Variants in EYS observed in about 807,000 individuals in gnomAD.
EYS encodes the protein protein eyes shut homolog.
A neutral mutation model predicts 282.1 loss-of-function variants in EYS; 250 were observed. The ratio of observed to expected loss-of-function variants is 0.89; its 90% CI spans 0.80 to 0.98. The LOEUF (loss-of-function observed/expected upper bound fraction) is 0.98, where lower values mean the gene tolerates loss of function less well. EYS is among the 50% of genes least tolerant of loss of function. The pLI is 0.00. For missense variants in EYS, 4,016 were observed against 3,709.0 expected, an observed-to-expected ratio of 1.08 and a Z score of -2.15; for synonymous variants, 1,355 against 1,282.9, an observed-to-expected ratio of 1.06 and a Z score of -1.20.
chr6:64,818,143 T>C (rs926376155), intron 21 of EYS, among the ~76,000 whole-genome samples: 3 of 152,178 alleles, frequency 2.0e-5, no homozygotes, highest in Non-Finnish European at 2.9e-5. Flanking sequence ...ATGAGAAAGA[T>C]ACATGCCATC....
At chr6:64,918,033 A>G (rs1768220441) in intron 15 of EYS, among the ~76,000 whole-genome samples, 1 of 152,080 alleles carries the variant, frequency 6.6e-6, no homozygotes, top group African/African-American at 2.4e-5. Flanking sequence ...TCATTATTTT[A>G]TTGTTTTGTC....
intron 19 of EYS, among the ~76,000 whole-genome samples, chr6:64,826,684 A>G (rs71570695): frequency 5.8e-4 from 26 of 44,578 alleles, no homozygotes; most frequent in African/African-American, 1.4e-3. Flanking sequence ...GATTTTATGT[A>G]TATATATATA....
chr6:64,666,980 G>A (rs1172077987), intron 22 of EYS, among the ~76,000 whole-genome samples: 1 of 151,966 alleles, frequency 6.6e-6, no homozygotes, highest in Non-Finnish European at 1.5e-5. Context: ...GACCAGAATA[G>A]TTTTATTACA....
intron 24 of EYS, among the ~76,000 whole-genome samples, chr6:64,610,680 A>T (rs1474654263): frequency 1.3e-5 from 2 of 152,200 alleles, no homozygotes; most frequent in Admixed American, 6.5e-5. Context: ...CTGGGGTTAC[A>T]GGCATGAGCC....
intron 29 of EYS, among the ~76,000 whole-genome samples, chr6:64,322,604 G>A (rs1196103587): frequency 6.6e-6 from 1 of 152,006 alleles, no homozygotes; most frequent in African/African-American, 2.4e-5. Flanking sequence ...ATTTGCAGAA[G>A]CTGAATAGGA....
intron 33 of EYS, among the ~76,000 whole-genome samples, chr6:64,058,270 TA>T (rs35061217): frequency 0.032 from 4,542 of 141,948 alleles, 68 homozygotes; most frequent in Middle Eastern, 0.066. Context: ...TTAAACCTCT[TA>T]AAAAAAAAAA....
chr6:64,980,188 A>T (rs2150116073), intron 14 of EYS, among the ~76,000 whole-genome samples: 1 of 151,740 alleles, frequency 6.6e-6, no homozygotes, highest in African/African-American at 2.4e-5. Context: ...ATGGCAATGC[A>T]AATTTTATTG....
At chr6:64,667,495 T>C (rs1358518898) in intron 22 of EYS, among the ~76,000 whole-genome samples, 2 of 151,670 alleles carry the variant, frequency 1.3e-5, no homozygotes, top group African/African-American at 2.4e-5. Flanking sequence ...TTTTAAAAGA[T>C]CATTTGGGAA....
At chr6:65,265,876 A>T (rs1450377301) in intron 12 of EYS, among the ~76,000 whole-genome samples, 1 of 151,910 alleles carries the variant, frequency 6.6e-6, no homozygotes, top group Non-Finnish European at 1.5e-5. Flanking sequence ...AGGTAACAGC[A>T]CTCACCTTAA....
intron 22 of EYS, among the ~76,000 whole-genome samples, chr6:64,708,088 T>G (rs1022825328): frequency 6.6e-6 from 1 of 152,220 alleles, no homozygotes; most frequent in South Asian, 2.1e-4. Context: ...ATAAACTATT[T>G]AGTCTTCAGC....
intron 37 of EYS, among the ~76,000 whole-genome samples, chr6:63,798,985 G>GTGTATATATATATATATATA (rs1372666500): frequency 4.5e-4 from 39 of 87,510 alleles, no homozygotes; most frequent in African/African-American, 2.0e-3. Context: ...ATGTATATGT[G>GTGTATATATATATATATATA]TGTATATATA....
intron 12 of EYS, among the ~76,000 whole-genome samples, chr6:65,073,229 C>T (rs1192430040): frequency 6.6e-6 from 1 of 151,638 alleles, no homozygotes; most frequent in Non-Finnish European, 1.5e-5. Flanking sequence ...TCAACAGCAA[C>T]ATATTATGCC....
chr6:65,555,154 A>G (rs949805428), intron 2 of EYS, among the ~76,000 whole-genome samples: 4 of 152,150 alleles, frequency 2.6e-5, no homozygotes. Flanking sequence ...AAAAGTAATA[A>G]AAGTGATTTC....
At chr6:64,118,519 C>T (rs910782752) in intron 31 of EYS, among the ~76,000 whole-genome samples, 13 of 152,172 alleles carry the variant, frequency 8.5e-5, no homozygotes, top group African/African-American at 2.9e-4. Context: ...CTATCTCTCA[C>T]CATATACAAA....
intron 30 of EYS, among the ~76,000 whole-genome samples, chr6:64,238,573 C>G (rs1318656724): frequency 1.3e-5 from 2 of 152,060 alleles, no homozygotes; most frequent in Non-Finnish European, 2.9e-5. Flanking sequence ...TCTCCAATGT[C>G]CATTATACCA....
intron 26 of EYS, among the ~76,000 whole-genome samples, chr6:64,465,427 A>G (rs893806410): frequency 9.9e-5 from 15 of 152,138 alleles, no homozygotes; most frequent in Admixed American, 2.0e-4. Flanking sequence ...ACAGTCCAAG[A>G]GAACAGAACA....
intron 36 of EYS, among the ~76,000 whole-genome samples, chr6:63,835,054 G>T (rs1376128323): frequency 1.0e-5 from 1 of 97,812 alleles, no homozygotes; most frequent in Non-Finnish European, 1.8e-5. Flanking sequence ...GCCTATTGTA[G>T]GGTGGGGGGA....
intron 31 of EYS, among the ~76,000 whole-genome samples, chr6:64,136,387 C>T (rs1358956774): frequency 2.0e-5 from 3 of 151,998 alleles, no homozygotes; most frequent in Non-Finnish European, 4.4e-5. Flanking sequence ...TATTTTGACC[C>T]CTTCCCATGA....
At chr6:65,222,349 C>T (rs1032422566) in intron 12 of EYS, among the ~76,000 whole-genome samples, 2 of 152,122 alleles carry the variant, frequency 1.3e-5, no homozygotes, top group East Asian at 1.9e-4. Flanking sequence ...GGATTTTCCG[C>T]TGTCCTTGTG....
Sources: gnomAD v4.1 joint callset for allele counts (sites outside exome capture counted in the v4.1 genomes callset) on GRCh38, gnomAD v4.1.1 for gene constraint, MANE v1.5 for transcripts, NCBI Gene and HGNC (gene_info 2026-07-23, HGNC 2026-07-21) for gene names.